Variants in PLEKHH2 observed in about 807,000 individuals in gnomAD.
PLEKHH2 encodes pleckstrin homology, MyTH4 and FERM domain containing H2.
In PLEKHH2, 129 loss-of-function variants were observed where a neutral mutation model predicts 187.9. The observed-to-expected ratio is 0.69, with a 90% CI of 0.59 to 0.79. PLEKHH2 has a LOEUF of 0.79. Among genes scored for constraint, PLEKHH2 ranks in the 30% least tolerant of loss-of-function variants. The pLI, the probability that PLEKHH2 is intolerant of heterozygous loss-of-function variation, is 0.00. For missense variants in PLEKHH2, 2,076 were observed against 1,751.2 expected (o/e 1.19, Z -3.31); for synonymous variants, 686 against 605.6 (o/e 1.13, Z -1.95).
rs776040271 is a variant in PLEKHH2 at position 43,710,348 on chromosome 2, T to C, written c.2214+18T>C. 38 of 1,609,060 alleles carry C rather than the reference T, an allele frequency of 2.4e-5. No individual in the cohort carries two copies. In the South Asian group the frequency reaches 3.3e-4, roughly 14 times the overall value. ...AATCTCCGGTGAGTGGAAAGTGTTTTCTGTTTAGAACGTAATTCCTCAAAC... is the reference window on the plus strand; with the variant it reads ...AATCTCCGGTGAGTGGAAAGTGTTTCCTGTTTAGAACGTAATTCCTCAAAC... On this transcript the variant is annotated intron_variant, in intron 13 of 29. Transcript: ENST00000282406.
At chr2:43,759,286 G>T (rs1672337114) in intron 27 of PLEKHH2, among the ~76,000 whole-genome samples, 1 of 152,030 alleles carries the variant, frequency 6.6e-6, no homozygotes, top group Admixed American at 6.5e-5. Flanking sequence ...GCTGAACTCT[G>T]CATTCTTCTG....
intron 22 of PLEKHH2, among the ~76,000 whole-genome samples, chr2:43,743,391 A>C (rs148283126): frequency 7.2e-5 from 11 of 152,314 alleles, no homozygotes; most frequent in Non-Finnish European, 1.3e-4. Flanking sequence ...CTTTGTAGCC[A>C]TATGCCTTTT....
intron 9 of PLEKHH2, 43 bp downstream of exon 9, chr2:43,704,099 C>A: frequency 1.5e-6 from 2 of 1,362,392 alleles, no homozygotes; most frequent in Non-Finnish European, 1.0e-6. Context: ...ACCTTGAGGA[C>A]TTTGTGCTAA....
chr2:43,670,989 C>CTT (rs756059732), intron 2 of PLEKHH2, among the ~76,000 whole-genome samples: 1 of 142,962 alleles, frequency 7.0e-6, no homozygotes, highest in Non-Finnish European at 1.5e-5. Context: ...TTTTTTTTAA[C>CTT]TTTTTTTTTT....
intron 20 of PLEKHH2, 131 bp from the exon 21 acceptor site, chr2:43,740,815 G>C (rs1448890606): frequency 7.1e-7 from 1 of 1,404,446 alleles, no homozygotes; most frequent in Non-Finnish European, 9.3e-7. Context: ...GCTGTAAACA[G>C]ATCATGCATA....
intron 9 of PLEKHH2, among the ~76,000 whole-genome samples, chr2:43,704,963 G>C (rs1356754501): frequency 6.6e-6 from 1 of 152,050 alleles, no homozygotes; most frequent in East Asian, 1.9e-4. Flanking sequence ...TGGCATTTCA[G>C]CTGTTTAAAA....
At chr2:43,713,660 G>GTT (rs71410202) in intron 15 of PLEKHH2, among the ~76,000 whole-genome samples, 27,300 of 133,858 alleles carry the variant, frequency 0.2, 2,992 homozygotes, top group Non-Finnish European at 0.27. Flanking sequence ...GCTTAATTCT[G>GTT]TTTTTTTTTT....
chr2:43,656,997 C>A (rs1666806628), intron 2 of PLEKHH2, among the ~76,000 whole-genome samples: 3 of 151,920 alleles, frequency 2.0e-5, no homozygotes, highest in African/African-American at 7.3e-5. Context: ...CTAGCCTGGG[C>A]AACAAGAGCA....
intron 2 of PLEKHH2, among the ~76,000 whole-genome samples, chr2:43,658,345 A>G (rs1019093382): frequency 2.0e-5 from 3 of 152,196 alleles, no homozygotes; most frequent in Admixed American, 2.0e-4. Context: ...TCTCTCTTCT[A>G]CTGGGTTCAG....
chr2:43,762,357 G>C lies in PLEKHH2; in HGVS notation c.4125G>C (p.Glu1375Asp). The change falls in exon 28 of 30, where the codon GAG becomes GAC. Residue 1375 changes from glutamate to aspartate, a missense_variant. Transcript: ENST00000282406. The part of the protein sequence containing the change: ...GSTFLWLAVH[E>D]DGLSLLEYNS... Reference sequence around the variant, plus strand: ...CTTTCTTGTGGCTGGCTGTACATGAGGATGGTTTAAGCCTCTTAGAATACA... The same window carrying C: ...CTTTCTTGTGGCTGGCTGTACATGACGATGGTTTAAGCCTCTTAGAATACA... The C allele has an allele frequency of 6.2e-7, 1 of 1,613,132 alleles. No individual in the cohort carries two copies. The highest frequency in any genetic ancestry group is 8.5e-7 in the Non-Finnish European group (1 of 1,179,236).
At chr2:43,738,630 A>T in intron 20 of PLEKHH2, 110 bp downstream of exon 20, 1 of 1,013,658 alleles carries the variant, frequency 9.9e-7, no homozygotes, top group African/African-American at 1.6e-5. Flanking sequence ...AAAGTGCAGA[A>T]GGAAAAATAG....
intron 1 of PLEKHH2, among the ~76,000 whole-genome samples, chr2:43,639,570 G>C (rs1436053635): frequency 2.0e-5 from 3 of 151,612 alleles, no homozygotes; most frequent in African/African-American, 2.4e-5. Flanking sequence ...TGTTTTCAAG[G>C]CTCTTCCATG....
chr2:43,763,968 T>A (rs1299444166), intron 28 of PLEKHH2, among the ~76,000 whole-genome samples: 2 of 152,160 alleles, frequency 1.3e-5, no homozygotes, highest in Non-Finnish European at 2.9e-5. Flanking sequence ...TAGATGCTTT[T>A]TATTTTTTTC....
intron 2 of PLEKHH2, among the ~76,000 whole-genome samples, chr2:43,666,246 T>G (rs1472303792): frequency 3.3e-5 from 5 of 150,978 alleles, no homozygotes; most frequent in African/African-American, 9.9e-5. Context: ...TCCAGGTGCA[T>G]CCGTCACCCC....
At chr2:43,762,648 C>A (rs1317159909) in intron 28 of PLEKHH2, among the ~76,000 whole-genome samples, 1 of 152,140 alleles carries the variant, frequency 6.6e-6, no homozygotes, top group African/African-American at 2.4e-5. Flanking sequence ...TGGTTACATT[C>A]ATGAAATGAT....
intron 2 of PLEKHH2, among the ~76,000 whole-genome samples, chr2:43,669,475 G>C (rs1456349402): frequency 6.6e-6 from 1 of 151,880 alleles, no homozygotes; most frequent in Admixed American, 6.6e-5. Flanking sequence ...ATTATATCTC[G>C]ACTTTAAATA....
rs115917157 is a variant in PLEKHH2, at chr2:43,714,897, G to A, written c.2460+2514G>A. 4.8e-3 allele frequency among the ~76,000 whole-genome samples: 729 copies of A among 152,264 alleles called. 5 individuals carry two copies. Among genetic ancestry groups the A allele is most frequent in the African/African-American group, 0.017 (691 of 41,542 alleles). ...GACTTCTGAGAGAAGATTTACCTGT[G>A]CCGAGTCTTCAAGGAGGAGTAGGAG... On this transcript the variant is annotated intron_variant, in intron 15 of 29. Transcript: ENST00000282406.
chr2:43,735,981 T>C (rs1280010759), intron 19 of PLEKHH2, among the ~76,000 whole-genome samples: 3 of 152,134 alleles, frequency 2.0e-5, no homozygotes, highest in African/African-American at 4.8e-5. Flanking sequence ...ACATTTCCAC[T>C]AAAGTGAGAA....
At chr2:43,698,190 G>A (rs1461851471) in intron 7 of PLEKHH2, among the ~76,000 whole-genome samples, 3 of 151,442 alleles carry the variant, frequency 2.0e-5, no homozygotes, top group South Asian at 2.1e-4. Flanking sequence ...TTTCCAATCC[G>A]AAGGCTCCTT....
Sources: allele counts gnomAD v4.1 joint callset (sites outside exome capture counted in the v4.1 genomes callset), GRCh38; gene constraint gnomAD v4.1.1; transcripts MANE v1.5; gene names NCBI Gene and HGNC (gene_info 2026-07-23, HGNC 2026-07-21).